UBE2K: variants seen among roughly 807,000 people sequenced by gnomAD.
The protein encoded by UBE2K is ubiquitin-conjugating enzyme E2 K.
In UBE2K, 6 loss-of-function variants were observed where a neutral mutation model predicts 30.0. That is an observed-to-expected ratio of 0.20 (90% CI 0.11 to 0.39). The LOEUF is 0.39. UBE2K is among the 10% of genes least tolerant of loss of function. The pLI is 1.00. For missense variants in UBE2K, 61 were observed against 241.6 expected, an observed-to-expected ratio of 0.25 and a Z score of 4.96; for synonymous variants, 86 against 83.7, an observed-to-expected ratio of 1.03 and a Z score of -0.15.
chr4:39,766,092 T>A (rs1473682397), intron 4 of UBE2K, among the ~76,000 whole-genome samples: 1 of 152,220 alleles, frequency 6.6e-6, no homozygotes, highest in Non-Finnish European at 1.5e-5. Context: ...GTTACTGCTT[T>A]CAGTTCTTTT....
chr4:39,710,063 T>A (rs1366573942), intron 1 of UBE2K: 1 of 151,930 alleles, frequency 6.6e-6, no homozygotes, highest in African/African-American at 2.4e-5. Flanking sequence ...TGAACATGCT[T>A]TTTTAAAATT....
At chr4:39,723,362 CTTTTTTT>C (rs529806724) in intron 1 of UBE2K, among the ~76,000 whole-genome samples, 21 of 108,332 alleles carry the variant, frequency 1.9e-4, no homozygotes, top group African/African-American at 3.7e-4. Context: ...GCTGTCTTCT[CTTTTTTT>C]TTTTTTTTTT....
intron 4 of UBE2K, among the ~76,000 whole-genome samples, chr4:39,760,209 A>T (rs1255959483): frequency 6.6e-6 from 1 of 150,828 alleles, no homozygotes; most frequent in South Asian, 2.1e-4. Flanking sequence ...AAAAAAAAAA[A>T]ACAAATAATG....
intron 4 of UBE2K, among the ~76,000 whole-genome samples, chr4:39,765,900 G>GAT (rs1041743867): frequency 1.6e-5 from 2 of 122,098 alleles, no homozygotes; most frequent in Middle Eastern, 3.9e-3. Context: ...CTGAAGTCAG[G>GAT]ATATATATAT....
chr4:39,750,131 T>C (rs1012369982), intron 3 of UBE2K, among the ~76,000 whole-genome samples: 3 of 151,868 alleles, frequency 2.0e-5, no homozygotes, highest in African/African-American at 7.3e-5. Context: ...GAGGCGGAGG[T>C]TGCAGTAAGC....
At chr4:39,713,286 AT>A (rs56104487) in intron 1 of UBE2K, among the ~76,000 whole-genome samples, 55 of 83,558 alleles carry the variant, frequency 6.6e-4, no homozygotes, top group Non-Finnish European at 5.9e-4. Context: ...TCTGTAGGAA[AT>A]TTTTTTTTTT....
Position 39,737,463 on chromosome 4 carries a change from T to G in UBE2K, c.107T>G (p.Phe36Cys). The change falls in exon 2 of 7, where the codon TTT (phenylalanine) becomes TGT (cysteine). Residue 36 changes from phenylalanine to cysteine, a missense_variant. Transcript: ENST00000261427. ...QIKVDLVDEN[F>C]TELRGEIAGP... ...AAAGTAGATCTTGTAGATGAGAATT[T>G]TACAGAATTAAGAGGAGAAATAGCA... 2.5e-6 allele frequency: 4 copies of G among 1,573,498 alleles called. No individual in the cohort carries two copies. Among genetic ancestry groups the G allele is most frequent in the Non-Finnish European group, 3.4e-6 (4 of 1,167,446 alleles).
At chr4:39,775,155 T>G (rs1335053282) in intron 5 of UBE2K, among the ~76,000 whole-genome samples, 2 of 152,212 alleles carry the variant, frequency 1.3e-5, no homozygotes, top group Non-Finnish European at 2.9e-5. Context: ...ATGAGTATTT[T>G]CAAACACATA....
intron 1 of UBE2K, among the ~76,000 whole-genome samples, chr4:39,723,514 A>G (rs1234630706): frequency 6.6e-6 from 1 of 151,868 alleles, no homozygotes; most frequent in East Asian, 1.9e-4. Context: ...GACTACAGGC[A>G]TCCACCACCA....
At position 39,739,385 on chromosome 4, in the gene UBE2K, C is replaced by A. The variant is rs1387408649; in HGVS notation, c.157+1872C>A. Among the ~76,000 whole-genome samples, 20 of 150,850 alleles carry A rather than the reference C, an allele frequency of 1.3e-4. No homozygotes were observed. The East Asian group carries it at 2.9e-3, about 22-fold the overall frequency. On this transcript the variant is annotated intron_variant, in intron 2 of 6. Coordinates refer to ENST00000261427, the MANE Select transcript of UBE2K (RefSeq NM_005339.5). ...TCTTGAATATTTTCTTGTTTTTAAT[C>A]CAGATTTTTTAAGACCCTAGAATGT...
At chr4:39,728,818 G>GTTTTTTTTT (rs150967559) in intron 1 of UBE2K, among the ~76,000 whole-genome samples, 1 of 129,906 alleles carries the variant, frequency 7.7e-6, no homozygotes, top group African/African-American at 2.7e-5. Context: ...GGTTTTTTTT[G>GTTTTTTTTT]TTTTTTTTGT....
At chr4:39,776,459 T>C (rs1713289767) in intron 5 of UBE2K, among the ~76,000 whole-genome samples, 1 of 152,186 alleles carries the variant, frequency 6.6e-6, no homozygotes, top group South Asian at 2.1e-4. Flanking sequence ...AGCTCTACTG[T>C]CATCTACTTG....
chr4:39,715,632 A>T (rs371634087), intron 1 of UBE2K, among the ~76,000 whole-genome samples: 2 of 151,830 alleles, frequency 1.3e-5, no homozygotes, highest in South Asian at 4.2e-4. Context: ...AAAGTAGTCA[A>T]TTTTTTTCTG....
intron 4 of UBE2K, among the ~76,000 whole-genome samples, chr4:39,774,345 T>C (rs945351756): frequency 4.6e-5 from 7 of 151,136 alleles, no homozygotes; most frequent in African/African-American, 1.2e-4. Flanking sequence ...TGGTTTTTCA[T>C]GCCTGTAATC....
intron 1 of UBE2K, among the ~76,000 whole-genome samples, chr4:39,703,048 C>T (rs1718123408): frequency 6.6e-6 from 1 of 152,010 alleles, no homozygotes; most frequent in East Asian, 1.9e-4. Flanking sequence ...GGCTGGAGTG[C>T]AGTGGCACGA....
intron 3 of UBE2K, among the ~76,000 whole-genome samples, chr4:39,749,210 A>C (rs150951191): frequency 6.6e-6 from 1 of 152,232 alleles, no homozygotes; most frequent in African/African-American, 2.4e-5. Context: ...GCTTACTTCT[A>C]AAACAGAGAA....
At chr4:39,715,927 TTC>T (rs1246106398) in intron 1 of UBE2K, among the ~76,000 whole-genome samples, 7 of 152,096 alleles carry the variant, frequency 4.6e-5, no homozygotes, top group Non-Finnish European at 8.8e-5. Flanking sequence ...GTACTCAGGT[TTC>T]TCTCTCTACC....
chr4:39,707,171 A>C (rs145522247), intron 1 of UBE2K, among the ~76,000 whole-genome samples: 3 of 151,876 alleles, frequency 2.0e-5, no homozygotes, highest in African/African-American at 7.2e-5. Flanking sequence ...TGGCCTCCCA[A>C]AGTGCTGGGC....
At chr4:39,747,717 C>T (rs1034076797) in intron 3 of UBE2K, among the ~76,000 whole-genome samples, 7 of 151,990 alleles carry the variant, frequency 4.6e-5, no homozygotes, top group South Asian at 4.2e-4. Context: ...CCTGGGTTCA[C>T]GCCATTCTAC....
Sources: allele counts gnomAD v4.1 joint callset (sites outside exome capture counted in the v4.1 genomes callset), GRCh38; gene constraint gnomAD v4.1.1; transcripts MANE v1.5; gene names NCBI Gene and HGNC (gene_info 2026-07-23, HGNC 2026-07-21).